The following RBMS3 variants were observed in gnomAD, a reference collection of about 807,000 sequenced individuals.
RBMS3 encodes the protein RNA binding motif single stranded interacting protein 3.
Under a neutral mutation model 66.8 loss-of-function variants are expected in RBMS3, and 27 were observed. That is an observed-to-expected ratio of 0.40 (90% CI 0.30 to 0.56). The LOEUF (loss-of-function observed/expected upper bound fraction) is 0.56. Ranked by LOEUF, RBMS3 falls within the 20% of genes least tolerant of loss-of-function variation. RBMS3 has a pLI of 0.40. For synonymous variants in RBMS3, 188 were observed against 183.0 expected (o/e 1.03, Z -0.22); for missense variants, 513 against 549.5 (o/e 0.93, Z 0.66).
At chr3:29,722,945 T>C (rs1252197948) in intron 4 of RBMS3, among the ~76,000 whole-genome samples, 1 of 151,976 alleles carries the variant, frequency 6.6e-6, no homozygotes, top group Non-Finnish European at 1.5e-5. Flanking sequence ...TCCTAGTTCC[T>C]ATCAGACTTT....
At chr3:29,313,141 C>T (rs968458752) in intron 1 of RBMS3, among the ~76,000 whole-genome samples, 1 of 151,756 alleles carries the variant, frequency 6.6e-6, no homozygotes, top group Non-Finnish European at 1.5e-5. Context: ...TTGTTATACA[C>T]ATCATTTTTC....
At chr3:29,691,897 C>T (rs1319251741) in intron 4 of RBMS3, among the ~76,000 whole-genome samples, 1 of 144,310 alleles carries the variant, frequency 6.9e-6, no homozygotes, top group Non-Finnish European at 1.5e-5. Flanking sequence ...AGCAATCAAA[C>T]AAGTTAAGTA....
chr3:29,779,105 G>A (rs2056528030), intron 6 of RBMS3, among the ~76,000 whole-genome samples: 1 of 151,736 alleles, frequency 6.6e-6, no homozygotes, highest in Admixed American at 6.6e-5. Context: ...TTTTCAGAAT[G>A]GAAATATTGG....
At chr3:29,561,174 A>G (rs2046538030) in intron 3 of RBMS3, among the ~76,000 whole-genome samples, 1 of 152,140 alleles carries the variant, frequency 6.6e-6, no homozygotes, top group African/African-American at 2.4e-5. Context: ...TGTCTTTGCT[A>G]TCGTGAATAG....
chr3:29,897,289 A>T, intron 8 of RBMS3, 90 bp from the exon 9 acceptor site: 1 of 1,156,376 alleles, frequency 8.6e-7, no homozygotes, highest in Non-Finnish European at 1.3e-6. Context: ...GGGTGGAAAT[A>T]TGTCTTTCCC....
At chr3:29,688,149 C>G (rs1436713213) in intron 4 of RBMS3, among the ~76,000 whole-genome samples, 1 of 151,994 alleles carries the variant, frequency 6.6e-6, no homozygotes, top group Non-Finnish European at 1.5e-5. Flanking sequence ...GTTATTCAGC[C>G]CTGATTTGCC....
intron 4 of RBMS3, among the ~76,000 whole-genome samples, chr3:29,652,458 G>A (rs1018791059): frequency 3.3e-5 from 5 of 152,056 alleles, no homozygotes; most frequent in Admixed American, 6.6e-5. Flanking sequence ...TAATTTCCAT[G>A]CCTACATTTA....
intron 1 of RBMS3, among the ~76,000 whole-genome samples, chr3:29,292,218 C>T (rs554337893): frequency 2.1e-4 from 32 of 151,828 alleles, no homozygotes; most frequent in Middle Eastern, 3.4e-3. Context: ...ACAACACACA[C>T]GCACACATAC....
chr3:29,829,170 G>A (rs976657771), intron 6 of RBMS3, among the ~76,000 whole-genome samples: 1 of 151,796 alleles, frequency 6.6e-6, no homozygotes, highest in Admixed American at 6.6e-5. Flanking sequence ...TTTGCCTCCC[G>A]AGTAGCTGAG....
intron 1 of RBMS3, among the ~76,000 whole-genome samples, chr3:29,286,748 C>A (rs2032376042): frequency 2.0e-5 from 3 of 152,050 alleles, no homozygotes; most frequent in South Asian, 2.1e-4. Flanking sequence ...TTTACACAAC[C>A]TTTTTGACAT....
chr3:29,475,369 C>T (rs769416640), intron 2 of RBMS3, among the ~76,000 whole-genome samples: 1 of 151,862 alleles, frequency 6.6e-6, no homozygotes, highest in Non-Finnish European at 1.5e-5. Flanking sequence ...CTGCTTCAGC[C>T]TCTGGAGTAG....
chr3:29,734,480 GTA>G (rs1445964531), intron 4 of RBMS3, among the ~76,000 whole-genome samples: 21 of 152,030 alleles, frequency 1.4e-4, no homozygotes, highest in African/African-American at 5.1e-4. Context: ...CATTACACTT[GTA>G]TTCATATATC....
At chr3:29,545,246 A>G (rs2045910365) in intron 3 of RBMS3, among the ~76,000 whole-genome samples, 1 of 152,158 alleles carries the variant, frequency 6.6e-6, no homozygotes, top group Admixed American at 6.5e-5. Flanking sequence ...AATAAGCTAT[A>G]AAACATTAAG....
intron 4 of RBMS3, among the ~76,000 whole-genome samples, chr3:29,710,328 C>T (rs2053109866): frequency 6.6e-6 from 1 of 152,188 alleles, no homozygotes; most frequent in Middle Eastern, 3.4e-3. Flanking sequence ...AATAATATAT[C>T]AGTAATAATC....
intron 4 of RBMS3, among the ~76,000 whole-genome samples, chr3:29,659,615 A>G (rs184774720): frequency 8.7e-4 from 133 of 152,234 alleles, no homozygotes; most frequent in Admixed American, 2.2e-3. Context: ...CATTTCCCTT[A>G]TCCATTCATC....
intron 14 of RBMS3, among the ~76,000 whole-genome samples, chr3:29,994,167 C>T (rs924800311): frequency 7.9e-5 from 12 of 152,298 alleles, no homozygotes; most frequent in South Asian, 4.1e-4. Context: ...AAAGGGGTGA[C>T]GGACGGCACC....
intron 4 of RBMS3, among the ~76,000 whole-genome samples, chr3:29,735,328 AT>A (rs2054331312): frequency 6.6e-6 from 1 of 152,164 alleles, no homozygotes; most frequent in Admixed American, 6.5e-5. Flanking sequence ...TTATTTACAT[AT>A]TTTTGCGTAA....
Position 29,538,046 on chromosome 3 carries a change from T to G in RBMS3, c.308-49068T>G, listed in dbSNP as rs571686540. On this transcript the variant is annotated intron_variant, in intron 3 of 14. Transcript: ENST00000383767. ...TATATCTTGGAAAGTAACCTGGGCC[T>G]GTCATATTAACCCACTGCTTATGAA... Among the ~76,000 whole-genome samples, 174 of 152,280 alleles carry G rather than the reference T, an allele frequency of 1.1e-3. 1 individual carries two copies. The highest frequency in any genetic ancestry group is 3.9e-3 in the African/African-American group (161 of 41,556).
intron 4 of RBMS3, among the ~76,000 whole-genome samples, chr3:29,724,329 T>G (rs1363777460): frequency 6.6e-6 from 1 of 152,224 alleles, no homozygotes; most frequent in Admixed American, 6.6e-5. Flanking sequence ...CTAAATTTCC[T>G]TATGTAATAA....
Sources: allele counts gnomAD v4.1 joint callset (sites outside exome capture counted in the v4.1 genomes callset), GRCh38; gene constraint gnomAD v4.1.1; transcripts MANE v1.5; gene names NCBI Gene and HGNC (gene_info 2026-07-23, HGNC 2026-07-21).